CLIC5: variants seen among roughly 807,000 people sequenced by gnomAD.
CLIC5 encodes chloride intracellular channel protein 5.
CLIC5 carries 20 observed loss-of-function variants against 24.7 expected under a neutral mutation model. The ratio of observed to expected loss-of-function variants is 0.81; its 90% confidence interval spans 0.57 to 1.18. CLIC5 has a LOEUF of 1.18. Ranked by LOEUF, CLIC5 falls within the 50% of genes most tolerant of loss-of-function variation. The pLI is 0.00. For synonymous variants in CLIC5, 159 were observed against 135.6 expected (o/e 1.17, Z -1.20); for missense variants, 341 against 326.1 (o/e 1.05, Z -0.35).
intron 1 of CLIC5, among the ~76,000 whole-genome samples, chr6:46,047,987 T>C (rs1247760425): frequency 6.6e-6 from 1 of 150,698 alleles, no homozygotes; most frequent in Non-Finnish European, 1.5e-5. Flanking sequence ...TCTAAATAAA[T>C]ATTCACTTCC....
At chr6:45,917,613 G>A (rs906614057) in intron 4 of CLIC5, among the ~76,000 whole-genome samples, 4 of 152,128 alleles carry the variant, frequency 2.6e-5, no homozygotes, top group African/African-American at 9.7e-5. Flanking sequence ...CACACCCATA[G>A]CAAAATAGAC....
intron 4 of CLIC5, among the ~76,000 whole-genome samples, chr6:45,930,644 A>C (rs28370446): frequency 6.6e-6 from 1 of 152,314 alleles, no homozygotes; most frequent in South Asian, 2.1e-4. Flanking sequence ...TCCTCATTAC[A>C]GGGAAAGCTG....
At chr6:45,958,966 TACA>T in intron 1 of CLIC5, among the ~76,000 whole-genome samples, 1 of 5,098 alleles carries the variant, frequency 2.0e-4, no homozygotes, top group Non-Finnish European at 1.4e-3. Flanking sequence ...GCATACATAC[TACA>T]TACATACATA....
At chr6:45,963,529 C>T (rs959099475) in intron 1 of CLIC5, among the ~76,000 whole-genome samples, 3 of 152,102 alleles carry the variant, frequency 2.0e-5, no homozygotes, top group Admixed American at 2.0e-4. Flanking sequence ...CCTCTCAGCT[C>T]ACCACTCTTC....
In CLIC5 at chr6:45,899,818, GA is replaced by G. The variant is rs1449295237; in HGVS notation, c.*3269del. The G allele has an allele frequency of 6.6e-6, 1 of 152,216 alleles. No homozygotes were observed. Among genetic ancestry groups the G allele is most frequent in the Non-Finnish European group, 1.5e-5 (1 of 68,048 alleles). 9.4% of individuals were successfully genotyped at this position (152,216 alleles called of 1,614,324 possible). A position where few individuals can be genotyped will look rare whatever the true frequency, so the allele number is the denominator to read the frequency against. Reference sequence around the variant, plus strand: ...CACTGGCCCCACCAGCACAAGAAGGGAATGCTGAGGACAGGGCCATTTCCCA... The same window carrying G: ...CACTGGCCCCACCAGCACAAGAAGGGATGCTGAGGACAGGGCCATTTCCCA... On this transcript the variant is annotated 3_prime_UTR_variant, in exon 6 of 6. Transcript: ENST00000339561.
At chr6:45,974,497 G>GTATATATATATATATA (rs1554154071) in intron 1 of CLIC5, among the ~76,000 whole-genome samples, 4 of 76,206 alleles carry the variant, frequency 5.2e-5, no homozygotes, top group African/African-American at 1.9e-4. Flanking sequence ...GTGTGTGTGT[G>GTATATATATATATATA]TATATATATA....
At chr6:46,000,346 A>G (rs1030017499) in intron 1 of CLIC5, among the ~76,000 whole-genome samples, 13 of 152,178 alleles carry the variant, frequency 8.5e-5, no homozygotes, top group African/African-American at 3.1e-4. Flanking sequence ...ATGATGGTGC[A>G]CATGCTCCTT....
chr6:45,941,184 C>T (rs894285635), intron 4 of CLIC5, among the ~76,000 whole-genome samples: 1 of 152,196 alleles, frequency 6.6e-6, no homozygotes, highest in Non-Finnish European at 1.5e-5. Context: ...ATATGTTGCT[C>T]TAATGTGATC....
intron 1 of CLIC5, among the ~76,000 whole-genome samples, chr6:45,988,293 A>T (rs1203863145): frequency 4.6e-5 from 7 of 152,206 alleles, no homozygotes; most frequent in African/African-American, 1.7e-4. Flanking sequence ...GTCTGAGAAT[A>T]GTCCTTTTTA....
At position 46,055,092 on chromosome 6, in the gene CLIC5, T is replaced by TTTTC. The variant is rs543616293; in HGVS notation, c.540+24607_540+24610dup. 4.7e-3 allele frequency among the ~76,000 whole-genome samples: 710 copies of TTTTC among 152,244 alleles called. 9 individuals carry two copies. The highest frequency in any genetic ancestry group is 0.027 in the South Asian group (131 of 4,818). ...AATTCCCGAAGAACATTGTCAGTTC[T>TTTTC]TTTCTTTCTTTCTTTCTTTCTTTTT... is the stretch of plus-strand genomic sequence containing the variant. On this transcript the variant is annotated intron_variant, in intron 1 of 5. Transcript: ENST00000185206.
At chr6:46,123,444 G>A in the CLIC5 span, among the ~76,000 whole-genome samples, 1 of 152,118 alleles carries the variant, frequency 6.6e-6, no homozygotes, top group African/African-American at 2.4e-5. Flanking sequence ...AAAATAATAA[G>A]AGCTATTTAT....
chr6:46,126,478 G>A, the CLIC5 span, among the ~76,000 whole-genome samples: 2 of 151,926 alleles, frequency 1.3e-5, no homozygotes, highest in African/African-American at 2.4e-5. Context: ...AGTTCATGGT[G>A]GTTAATACAG....
chr6:45,911,979 A>G (rs1216098737), intron 5 of CLIC5: 2 of 985,452 alleles, frequency 2.0e-6, no homozygotes, highest in East Asian at 2.3e-4. Flanking sequence ...GCTTCCAGGG[A>G]TGGAGATAAA....
At chr6:46,038,090 C>G (rs1462991795) in intron 1 of CLIC5, among the ~76,000 whole-genome samples, 1 of 152,102 alleles carries the variant, frequency 6.6e-6, no homozygotes, top group East Asian at 1.9e-4. Context: ...CCCAGTCCCT[C>G]TGGTAGCTAT....
intron 4 of CLIC5, chr6:45,918,832 G>A (rs994059498): frequency 6.7e-6 from 3 of 446,656 alleles, no homozygotes; most frequent in African/African-American, 6.4e-5. Flanking sequence ...AGTGAGCTAG[G>A]GATGTTTATG....
At chr6:45,928,795 T>TGTGTGTGTGTGTGTGTGTGTGTGG (rs200432038) in intron 4 of CLIC5, among the ~76,000 whole-genome samples, 4 of 148,486 alleles carry the variant, frequency 2.7e-5, no homozygotes, top group African/African-American at 1.0e-4. Flanking sequence ...TGTGTGTGTG[T>TGTGTGTGTGTGTGTGTGTGTGTGG]AGAGAGAGAG....
intron 1 of CLIC5, among the ~76,000 whole-genome samples, chr6:46,031,347 G>A (rs1379103931): frequency 6.6e-6 from 1 of 152,066 alleles, no homozygotes; most frequent in Admixed American, 6.5e-5. Flanking sequence ...AAAACAACAA[G>A]GTGAGCCTTG....
In CLIC5 at chr6:45,991,626, T is replaced by C. The variant is rs186562314; in HGVS notation, c.63+23854A>G. On this transcript the variant is annotated intron_variant, in intron 1 of 5. Coordinates refer to ENST00000339561, the MANE Select transcript of CLIC5 (RefSeq NM_016929.5). ...AGCAAAGCAAACTAATATACCCCTA[T>C]TTCTGGAAATCATTTCCTAGAGACA... Among the ~76,000 whole-genome samples, 226 of 152,338 alleles carry C rather than the reference T, an allele frequency of 1.5e-3. 1 individual carries two copies. The highest frequency in any genetic ancestry group is 1.1e-3 in the Non-Finnish European group (74 of 68,030).
chr6:45,955,321 G>T, intron 1 of CLIC5, 77 bp from the exon 2 acceptor site: 1 of 1,027,478 alleles, frequency 9.7e-7, no homozygotes, highest in Non-Finnish European at 1.5e-6. Context: ...ACACCCAAAT[G>T]CAGGTCTGAG....
Sources: allele counts gnomAD v4.1 joint callset (sites outside exome capture counted in the v4.1 genomes callset), GRCh38; gene constraint gnomAD v4.1.1; transcripts MANE v1.5; gene names NCBI Gene and HGNC (gene_info 2026-07-23, HGNC 2026-07-21).